The following MAST4 variants were observed in gnomAD, a reference collection of about 807,000 sequenced individuals.
The protein encoded by MAST4 is microtubule-associated serine/threonine-protein kinase 4.
In MAST4, 89 loss-of-function variants were observed where a neutral mutation model predicts 162.7. The ratio of observed to expected loss-of-function variants is 0.55; its 90% CI spans 0.46 to 0.65. MAST4 has a LOEUF of 0.65. Among genes scored for constraint, MAST4 ranks in the 30% least tolerant of loss-of-function variants. The pLI is 0.00. For missense variants in MAST4, 3,153 were observed against 3,374.0 expected (o/e 0.93, Z 1.62); for synonymous variants, 1,479 against 1,361.1 (o/e 1.09, Z -1.91).
In MAST4 at chr5:67,163,132, G is replaced by C; in HGVS notation, c.3968-15G>C. On this transcript the variant is annotated splice_polypyrimidine_tract_variant and intron_variant, in intron 28 of 28. Coordinates refer to ENST00000403625, the MANE Select transcript of MAST4 (RefSeq NM_001164664.2). The surrounding 1 kb of genome is among the most constrained non-coding windows in gnomAD (Gnocchi z 7.0). ...TGACCATGGATGCTCACAGCCTTCT[G>C]TTTTCCATCCACAGGTACTAATTCC... is the stretch of plus-strand genomic sequence containing the variant. The C allele has an allele frequency of 6.3e-7, 1 of 1,589,908 alleles. No individual in the cohort carries two copies. Among genetic ancestry groups the C allele is most frequent in the Non-Finnish European group, 8.6e-7 (1 of 1,162,842 alleles).
chr5:66,897,108 C>T (rs1762729457), intron 3 of MAST4, among the ~76,000 whole-genome samples: 1 of 151,920 alleles, frequency 6.6e-6, no homozygotes, highest in Admixed American at 6.6e-5. Flanking sequence ...TTCTTTAATC[C>T]AGTGTCAACA....
chr5:66,927,037 T>TA (rs970796607), intron 4 of MAST4, among the ~76,000 whole-genome samples: 5 of 152,144 alleles, frequency 3.3e-5, no homozygotes, highest in African/African-American at 4.8e-5. Context: ...TTTTTTAATT[T>TA]AAAAAAATAA....
intron 5 of MAST4, among the ~76,000 whole-genome samples, chr5:67,064,831 GAGA>G (rs1444508186): frequency 6.6e-6 from 1 of 150,532 alleles, no homozygotes; most frequent in African/African-American, 2.5e-5. Flanking sequence ...TTTTAGAGAG[GAGA>G]AGAACTCTTG....
intron 5 of MAST4, among the ~76,000 whole-genome samples, chr5:67,077,079 A>G (rs1761741758): frequency 6.6e-6 from 1 of 152,236 alleles, no homozygotes; most frequent in South Asian, 2.1e-4. Flanking sequence ...CCCAAGGCCA[A>G]TTAAGTCAGA....
At position 67,133,380 on chromosome 5, in the gene MAST4, C is replaced by A. The variant is rs183524572; in HGVS notation, c.2094-134C>A. The A allele has an allele frequency of 1.1e-3, 1,002 of 932,302 alleles. 1 individual carries two copies. The highest frequency in any genetic ancestry group is 1.5e-3 in the Non-Finnish European group (927 of 619,212). The allele number at this position is 932,302 out of a possible 1,614,324, so 57.8% of individuals were successfully genotyped here. ...ATCTTTATGTGACTCCATCTCTTTC[C>A]AGGCTGGGTTTTGTAATAAGCTTGA... On this transcript the variant is annotated intron_variant, in intron 16 of 28. Coordinates refer to ENST00000403625, the MANE Select transcript of MAST4 (RefSeq NM_001164664.2).
rs578019321 is a variant in MAST4, at chr5:66,947,189, T to G, written c.674+47207T>G. Among the ~76,000 whole-genome samples the G allele has an allele frequency of 7.2e-5, 11 of 152,294 alleles. No individual in the cohort carries two copies. The South Asian group carries it at 2.3e-3, about 32-fold the overall frequency. ...TTTTCACCTCTGGATTCTTTATTGT[T>G]GTTTCTGCCCTAGAAGAAGTAGGAC... On this transcript the variant is annotated intron_variant, in intron 4 of 28. Coordinates refer to ENST00000403625, the MANE Select transcript of MAST4 (RefSeq NM_001164664.2).
chr5:67,090,710 G>A (rs1217955773), intron 6 of MAST4, among the ~76,000 whole-genome samples: 3 of 151,668 alleles, frequency 2.0e-5, no homozygotes, highest in African/African-American at 4.8e-5. Context: ...AAAGATAGAT[G>A]TCTCATAACG....
At chr5:66,827,879 G>C (rs1381593754) in intron 3 of MAST4, among the ~76,000 whole-genome samples, 1 of 152,182 alleles carries the variant, frequency 6.6e-6, no homozygotes, top group African/African-American at 2.4e-5. Context: ...AGTGTCGTAT[G>C]TTGTTACTCC....
intron 4 of MAST4, among the ~76,000 whole-genome samples, chr5:66,912,710 G>A (rs183561564): frequency 8.5e-5 from 13 of 152,246 alleles, no homozygotes; most frequent in Middle Eastern, 3.4e-3. Context: ...GAGAATTCAG[G>A]CCACTTATGT....
chr5:66,659,046 A>G (rs1165200307), intron 1 of MAST4, among the ~76,000 whole-genome samples: 1 of 152,086 alleles, frequency 6.6e-6, no homozygotes, highest in Non-Finnish European at 1.5e-5. Context: ...AAAAATTCTC[A>G]CAACAGCTTG....
intron 4 of MAST4, among the ~76,000 whole-genome samples, chr5:67,052,617 A>C (rs1295274712): frequency 6.6e-6 from 1 of 152,256 alleles, no homozygotes; most frequent in African/African-American, 2.4e-5. Context: ...TCACTGATAT[A>C]TCTAGTTAAG....
intron 3 of MAST4, among the ~76,000 whole-genome samples, chr5:66,896,265 A>G (rs1762676092): frequency 6.6e-6 from 1 of 152,002 alleles, no homozygotes. Flanking sequence ...GGGGTTCTGG[A>G]TTTTAGAGAT....
chr5:67,029,329 G>A (rs1755037206), intron 4 of MAST4, among the ~76,000 whole-genome samples: 1 of 152,042 alleles, frequency 6.6e-6, no homozygotes, highest in African/African-American at 2.4e-5. Flanking sequence ...GATTTTAAAA[G>A]TGTTTTCTAG....
intron 4 of MAST4, among the ~76,000 whole-genome samples, chr5:66,977,044 C>T (rs564377560): frequency 6.6e-6 from 1 of 152,154 alleles, no homozygotes; most frequent in Non-Finnish European, 1.5e-5. Context: ...GGTGTAGGGT[C>T]AGCATCAGGG....
intron 4 of MAST4, among the ~76,000 whole-genome samples, chr5:66,944,813 G>A (rs1743824750): frequency 6.6e-6 from 1 of 152,106 alleles, no homozygotes; most frequent in African/African-American, 2.4e-5. Context: ...ATTTCCTTGC[G>A]AGAGTAGAAG....
intron 10 of MAST4, among the ~76,000 whole-genome samples, chr5:67,108,809 T>A (rs1342844663): frequency 6.6e-6 from 1 of 152,154 alleles, no homozygotes; most frequent in Non-Finnish European, 1.5e-5. Flanking sequence ...GTTCTTTTCA[T>A]GGGGTACGGG....
intron 3 of MAST4, among the ~76,000 whole-genome samples, chr5:66,861,975 G>A (rs982522268): frequency 6.6e-6 from 1 of 152,162 alleles, no homozygotes; most frequent in Non-Finnish European, 1.5e-5. Context: ...ACTGCCAGAT[G>A]AGAGAGAGTT....
At chr5:67,031,622 G>C (rs1287189377) in intron 4 of MAST4, among the ~76,000 whole-genome samples, 1 of 152,166 alleles carries the variant, frequency 6.6e-6, no homozygotes, top group Non-Finnish European at 1.5e-5. Context: ...GTGAAGATTT[G>C]TAAAATACAT....
intron 3 of MAST4, among the ~76,000 whole-genome samples, chr5:66,821,515 G>T (rs1220603378): frequency 6.6e-6 from 1 of 152,044 alleles, no homozygotes; most frequent in African/African-American, 2.4e-5. Context: ...TTAATATCTG[G>T]TTCATTTGTA....
Sources: allele counts gnomAD v4.1 joint callset (sites outside exome capture counted in the v4.1 genomes callset), GRCh38; gene constraint gnomAD v4.1.1; non-coding constraint Gnocchi (gnomAD v3.1); transcripts MANE v1.5; gene names NCBI Gene and HGNC (gene_info 2026-07-23, HGNC 2026-07-21).